Variants in C9orf43 observed in about 807,000 individuals in gnomAD.
C9orf43 encodes the protein chromosome 9 open reading frame 43.
In C9orf43, 45 loss-of-function variants were observed where a neutral mutation model predicts 59.1. The observed-to-expected ratio is 0.76, with a 90% CI of 0.60 to 0.98. The LOEUF (loss-of-function observed/expected upper bound fraction) is 0.98, where lower values mean the gene tolerates loss of function less well. Among genes scored for constraint, C9orf43 ranks in the 50% least tolerant of loss-of-function variants. The pLI is 0.00. For synonymous variants in C9orf43, 203 were observed against 196.8 expected, an observed-to-expected ratio of 1.03 and a Z score of -0.26; for missense variants, 533 against 554.9, an observed-to-expected ratio of 0.96 and a Z score of 0.40.
chr9:113,428,827 G>A (rs1828883347), intron 12 of C9orf43, 73 bp from the exon 13 acceptor site: 3 of 1,301,902 alleles, frequency 2.3e-6, no homozygotes, highest in Non-Finnish European at 2.2e-6. Context: ...TCCAAGAGAA[G>A]CATCTTTTAG....
At position 113,424,141 on chromosome 9, in the gene C9orf43, TCTGG is replaced by T. The variant is rs548025184; in HGVS notation, c.657-21_657-18del. ...TTCCGGGAAGAGCTGTTGCTGACTG[TCTGG>T]CTGTCCTCTGTCCCCTTCAGACTTT... On this transcript the variant is annotated intron_variant, in intron 7 of 13. Coordinates refer to ENST00000374165, the MANE Select transcript of C9orf43 (RefSeq NM_001278629.2). 2.2e-5 allele frequency: 35 copies of T among 1,570,036 alleles called. No homozygotes were observed. The South Asian group carries it at 3.8e-4, about 17-fold the overall frequency.
At position 113,425,343 on chromosome 9, in the gene C9orf43, G is replaced by C; in HGVS notation, c.866-1G>C. The stretch of plus-strand genomic sequence containing the variant: ...GATCAAGCTGGCTCTCTGGTCACCA[G>C]GTTACAGGAAACAGCAGCAGCGGCA... On this transcript the variant is annotated splice_acceptor_variant, in intron 9 of 13. Transcript: ENST00000374165. LOFTEE classifies it high-confidence loss of function. 1 of 1,613,876 alleles carries C rather than the reference G, an allele frequency of 6.2e-7. No individual in the cohort carries two copies. Among genetic ancestry groups the C allele is most frequent in the Non-Finnish European group, 8.5e-7 (1 of 1,179,976 alleles).
rs1828860335 is a variant in C9orf43 at position 113,428,198 on chromosome 9, T to A, written c.1082T>A (p.Met361Lys). The change falls in exon 12 of 14, where the codon ATG (methionine) becomes AAG (lysine). Residue 361 changes from methionine (M) to lysine (K), a missense_variant. Met to Lys is a moderately conservative substitution (Grantham distance 95, BLOSUM62 -1). Transcript: ENST00000374165. ...QNSDMKQQQQ[M>K]EKGTTSKQDS... ...AGTGACATGAAGCAGCAGCAGCAGA[T>A]GGAAAAAGGAACCACTTCGAAACAG... 6.2e-7 allele frequency: 1 copy of A among 1,614,166 alleles called. No homozygotes were observed.
chr9:113,421,052 A>G (rs774968945), intron 4 of C9orf43, 51 bp from the exon 5 acceptor site: 7 of 1,382,692 alleles, frequency 5.1e-6, no homozygotes, highest in Middle Eastern at 1.8e-4. Context: ...TTAATCTGAT[A>G]TAGGAGCTTA....
In C9orf43 at chr9:113,419,181, T is replaced by G; in HGVS notation, c.345+16T>G. 1 of 1,583,320 alleles carries G rather than the reference T, an allele frequency of 6.3e-7. No homozygotes were observed. The highest frequency in any genetic ancestry group is 8.6e-7 in the Non-Finnish European group (1 of 1,159,218). ...ACTTCCCAAAGTAAGTCATAGATTTTAAAAGTACTTCTTCAACATTTTTTC... is the reference window on the plus strand; with the variant it reads ...ACTTCCCAAAGTAAGTCATAGATTTGAAAAGTACTTCTTCAACATTTTTTC... On this transcript the variant is annotated intron_variant, in intron 4 of 13. Transcript: ENST00000374165.
At chr9:113,417,650 G>A (rs1051739617) in intron 3 of C9orf43, among the ~76,000 whole-genome samples, 1 of 152,226 alleles carries the variant, frequency 6.6e-6, no homozygotes, top group African/African-American at 2.4e-5. Context: ...GGAAGTCTGA[G>A]CAGTCTAGTG....
chr9:113,424,959 C>T, intron 8 of C9orf43, 60 bp from the exon 9 acceptor site: 2 of 1,435,806 alleles, frequency 1.4e-6, no homozygotes, highest in South Asian at 2.4e-5. Flanking sequence ...TTGGGGGATA[C>T]ATTTGGAGAA....
chr9:113,422,823 C>T (rs1039406826), intron 6 of C9orf43, among the ~76,000 whole-genome samples: 7 of 152,034 alleles, frequency 4.6e-5, no homozygotes, highest in African/African-American at 1.5e-4. Context: ...GGAACTGTTG[C>T]GTGTTCAGGG....
intron 5 of C9orf43, among the ~76,000 whole-genome samples, chr9:113,421,679 C>A (rs747415605): frequency 6.6e-6 from 1 of 152,116 alleles, no homozygotes; most frequent in Non-Finnish European, 1.5e-5. Context: ...ATATTGACAA[C>A]CATGGGGAAA....
chr9:113,416,557 CCCTT>C (rs1828365902), intron 3 of C9orf43, among the ~76,000 whole-genome samples: 1 of 152,204 alleles, frequency 6.6e-6, no homozygotes, highest in Non-Finnish European at 1.5e-5. Flanking sequence ...TCGCATTTCT[CCCTT>C]CCTTGTTGAG....
chr9:113,416,119 C>A (rs556104458), intron 3 of C9orf43, among the ~76,000 whole-genome samples: 1 of 152,242 alleles, frequency 6.6e-6, no homozygotes, highest in Non-Finnish European at 1.5e-5. Context: ...TTCTGCTTCA[C>A]ACTCTCTGTC....
Position 113,429,391 on chromosome 9 carries a change from C to A in C9orf43, c.*5C>A, listed in dbSNP as rs374248007. 1.2e-6 allele frequency: 2 copies of A among 1,612,868 alleles called. No homozygotes were observed. The highest frequency in any genetic ancestry group is 1.7e-6 in the Non-Finnish European group (2 of 1,179,272). On this transcript the variant is annotated 3_prime_UTR_variant, in exon 14 of 14. Transcript: ENST00000374165. ...CAGTCCTCTGGGGCAGAGTGAGAAG[C>A]CTCTGGAGGAATAGACTGAAGGCAT...
intron 3 of C9orf43, among the ~76,000 whole-genome samples, chr9:113,415,989 A>G (rs748046473): frequency 2.0e-5 from 3 of 152,186 alleles, no homozygotes; most frequent in Non-Finnish European, 4.4e-5. Flanking sequence ...CTTCATATTC[A>G]TACCCAGGGA....
chr9:113,428,343 A>C, intron 12 of C9orf43, 120 bp downstream of exon 12: 3 of 1,004,792 alleles, frequency 3.0e-6, no homozygotes, highest in Admixed American at 3.9e-5. Context: ...TTGACTGGAC[A>C]GTTGTTCTTC....
At chr9:113,411,550 C>T (rs890645481) in intron 1 of C9orf43, among the ~76,000 whole-genome samples, 14 of 152,206 alleles carry the variant, frequency 9.2e-5, no homozygotes, top group African/African-American at 2.9e-4. Flanking sequence ...CCGCCCGCCT[C>T]GGTCTCCCAA....
At chr9:113,421,232 C>T (rs1417514431) in intron 5 of C9orf43, 29 bp downstream of exon 5, 1 of 1,496,566 alleles carries the variant, frequency 6.7e-7, no homozygotes, top group East Asian at 2.3e-5. Flanking sequence ...ACTCAGAGGA[C>T]TTTGACTCTA....
chr9:113,419,425 C>T (rs1377411185), intron 4 of C9orf43, among the ~76,000 whole-genome samples: 1 of 152,132 alleles, frequency 6.6e-6, no homozygotes, highest in Admixed American at 6.5e-5. Context: ...TGTCTCTATC[C>T]TGCATAGAAC....
At chr9:113,411,109 A>G in intron 1 of C9orf43, 108 bp downstream of exon 1, 1 of 985,436 alleles carries the variant, frequency 1.0e-6, no homozygotes, top group Non-Finnish European at 1.2e-6. Flanking sequence ...GCGCCTGATT[A>G]GGTCTCAGGA....
chr9:113,423,923 A>G (rs541053777), intron 7 of C9orf43, among the ~76,000 whole-genome samples: 1 of 152,316 alleles, frequency 6.6e-6, no homozygotes, highest in African/African-American at 2.4e-5. Context: ...GCAAAGTGGG[A>G]GTAATATCTG....
Sources: gnomAD v4.1 joint callset for allele counts (sites outside exome capture counted in the v4.1 genomes callset) on GRCh38, gnomAD v4.1.1 for gene constraint, MANE v1.5 for transcripts, NCBI Gene and HGNC (gene_info 2026-07-23, HGNC 2026-07-21) for gene names.